Variants in ADGB observed in about 807,000 individuals in gnomAD.
ADGB encodes calpain-7-like protein.
Under a neutral mutation model 210.5 loss-of-function variants are expected in ADGB, and 172 were observed. That is an observed-to-expected ratio of 0.82 (90% CI 0.72 to 0.93). The LOEUF (loss-of-function observed/expected upper bound fraction) is 0.93. Ranked by LOEUF, ADGB falls within the 40% of genes least tolerant of loss-of-function variation. ADGB has a pLI of 0.00. For synonymous variants in ADGB, 658 were observed against 662.7 expected, an observed-to-expected ratio of 0.99 and a Z score of 0.11; for missense variants, 2,025 against 1,964.8, an observed-to-expected ratio of 1.03 and a Z score of -0.58.
intron 33 of ADGB, among the ~76,000 whole-genome samples, chr6:146,789,214 C>T (rs1235884260): frequency 6.6e-6 from 1 of 152,138 alleles, no homozygotes; most frequent in African/African-American, 2.4e-5. Flanking sequence ...CCTATTAATG[C>T]ATTTGGAGAG....
At position 146,726,019 on chromosome 6, in the gene ADGB, C is replaced by T. The variant is rs143279294; in HGVS notation, c.2238-64C>T. On this transcript the variant is annotated intron_variant, in intron 18 of 35. Coordinates refer to ENST00000397944, the MANE Select transcript of ADGB (RefSeq NM_024694.4). Reference sequence around the variant, plus strand: ...TGAGTTCCAAAGTGTGAATAAGCAACTCACAGGTCAAATGCCACCACCCAG... The same window carrying T: ...TGAGTTCCAAAGTGTGAATAAGCAATTCACAGGTCAAATGCCACCACCCAG... The T allele has an allele frequency of 1.3e-4, 135 of 1,017,854 alleles. No individual in the cohort carries two copies. The African/African-American group carries it at 1.8e-3, about 14-fold the overall frequency. 63.1% of individuals were successfully genotyped at this position (1,017,854 alleles called of 1,614,324 possible). A position where few individuals can be genotyped will look rare whatever the true frequency, so the allele number is the denominator to read the frequency against.
chr6:146,748,547 A>G lies in ADGB; in HGVS notation c.3365+2438A>G, dbSNP rs756317408. ...AGAAGCATCACGTCTATCTCTGCCA[A>G]CATCTTCACGTGGTATCTTCCCCTG... On this transcript the variant is annotated intron_variant, in intron 26 of 35. Coordinates refer to ENST00000397944, the MANE Select transcript of ADGB (RefSeq NM_024694.4). Among the ~76,000 whole-genome samples the G allele has an allele frequency of 2.6e-5, 4 of 152,234 alleles. No homozygotes were observed. In the East Asian group the frequency reaches 5.8e-4, roughly 22 times the overall value.
rs558636331 is a variant in ADGB at position 146,611,740 on chromosome 6, C to G, written c.74+12626C>G. Among the ~76,000 whole-genome samples the G allele has an allele frequency of 5.3e-5, 8 of 152,240 alleles. No individual in the cohort carries two copies. In the East Asian group the frequency reaches 1.5e-3, roughly 29 times the overall value. On this transcript the variant is annotated intron_variant, in intron 1 of 35. Coordinates refer to ENST00000397944, the MANE Select transcript of ADGB (RefSeq NM_024694.4). ...ATGCCTGTCTTCTTGATGGCCTGGT[C>G]TCTTGGGCAAACCTTTTCCTGATGC... is the stretch of plus-strand genomic sequence containing the variant.
chr6:146,799,162 C>A (rs1778087527), intron 33 of ADGB, among the ~76,000 whole-genome samples: 1 of 148,830 alleles, frequency 6.7e-6, no homozygotes, highest in African/African-American at 2.5e-5. Context: ...TACAAAAAAA[C>A]CTATGGCCTA....
intron 29 of ADGB, among the ~76,000 whole-genome samples, chr6:146,778,070 G>A (rs556040427): frequency 6.6e-6 from 1 of 152,290 alleles, no homozygotes; most frequent in South Asian, 2.1e-4. Context: ...TGAAAATAAC[G>A]AGTTATTCTA....
chr6:146,672,052 C>T (rs551565763), intron 7 of ADGB, among the ~76,000 whole-genome samples, 168 bp from the exon 8 acceptor site: 1 of 152,026 alleles, frequency 6.6e-6, no homozygotes, highest in South Asian at 2.1e-4. Context: ...GCAATGAAAG[C>T]TTGTTGAATG....
At chr6:146,763,841 G>T in intron 27 of ADGB, 60 bp from the exon 28 acceptor site, 2 of 1,362,074 alleles carry the variant, frequency 1.5e-6, no homozygotes, top group Non-Finnish European at 2.0e-6. Flanking sequence ...AACTGATTTA[G>T]TCAGTAATAA....
chr6:146,718,808 A>C (rs917051907), intron 16 of ADGB, among the ~76,000 whole-genome samples: 1 of 152,228 alleles, frequency 6.6e-6, no homozygotes, highest in Non-Finnish European at 1.5e-5. Flanking sequence ...CCTTTTGAGC[A>C]GACCTCAAGA....
At position 146,733,905 on chromosome 6, in the gene ADGB, A is replaced by G; in HGVS notation, c.2669A>G (p.Asp890Gly). The change falls in exon 22 of 36, where the codon GAC (aspartate) becomes GGC (glycine). Residue 890 changes from aspartate to glycine, a missense_variant. Transcript: ENST00000397944. ...LEEVSLVEWLDVKYCMPTSDK... is the reference protein window; with the variant it reads ...LEEVSLVEWLGVKYCMPTSDK... Reference sequence around the variant, plus strand: ...TTTCCCTTTCCAGTGGAATGGCTGGACGTTAAATATTGTATGCCCACAAGT... The same window carrying G: ...TTTCCCTTTCCAGTGGAATGGCTGGGCGTTAAATATTGTATGCCCACAAGT... 2 of 1,551,562 alleles carry G rather than the reference A, an allele frequency of 1.3e-6. No individual in the cohort carries two copies. The highest frequency in any genetic ancestry group is 1.7e-6 in the Non-Finnish European group (2 of 1,146,918).
At chr6:146,736,688 T>C (rs954895991) in intron 23 of ADGB, 97 bp downstream of exon 23, 3 of 678,734 alleles carry the variant, frequency 4.4e-6, no homozygotes, top group African/African-American at 3.6e-5. Flanking sequence ...CCCCAGTCAC[T>C]GCAGCTAGAA....
In ADGB at chr6:146,732,592, C is replaced by A. The variant is rs56346640; in HGVS notation, c.2521-528C>A. Among the ~76,000 whole-genome samples, 1,102 of 143,334 alleles carry A rather than the reference C, an allele frequency of 7.7e-3. 15 individuals carry two copies. Among genetic ancestry groups the A allele is most frequent in the African/African-American group, 0.028 (1,061 of 37,760 alleles). The allele number at this position is 143,334 out of a possible 152,430, so 94.0% of individuals were successfully genotyped here. A position where few individuals can be genotyped will look rare whatever the true frequency, so the allele number is the denominator to read the frequency against. On this transcript the variant is annotated intron_variant, in intron 20 of 35. Coordinates refer to ENST00000397944, the MANE Select transcript of ADGB (RefSeq NM_024694.4). ...AGCTATTTTGGTAAAAAAAAAAAAT[C>A]TCCATTTTATACTTAGATAATTACA...
chr6:146,707,775 T>C (rs1489009094), intron 13 of ADGB, among the ~76,000 whole-genome samples: 2 of 152,096 alleles, frequency 1.3e-5, no homozygotes, highest in African/African-American at 2.4e-5. Context: ...GAGTCTTTGT[T>C]TTTTAAATAC....
intron 27 of ADGB, among the ~76,000 whole-genome samples, chr6:146,758,553 T>A (rs1462985702): frequency 6.6e-6 from 1 of 152,062 alleles, no homozygotes; most frequent in Non-Finnish European, 1.5e-5. Flanking sequence ...ATAGGTTTAC[T>A]TCTGGCCAAG....
intron 25 of ADGB, 27 bp downstream of exon 25, chr6:146,741,298 A>G: frequency 6.5e-7 from 1 of 1,547,564 alleles, no homozygotes; most frequent in Non-Finnish European, 8.7e-7. Flanking sequence ...TTCTCCACAT[A>G]TGATAGAATG....
chr6:146,628,661 T>C (rs971180167), intron 1 of ADGB, among the ~76,000 whole-genome samples: 1 of 152,026 alleles, frequency 6.6e-6, no homozygotes, highest in Non-Finnish European at 1.5e-5. Flanking sequence ...CTGTCTCGTA[T>C]GCTGTTCTTT....
intron 20 of ADGB, among the ~76,000 whole-genome samples, chr6:146,729,835 T>A (rs1776953727): frequency 6.6e-6 from 1 of 152,258 alleles, no homozygotes; most frequent in African/African-American, 2.4e-5. Context: ...TGTTGGCATA[T>A]CATTTTACAT....
chr6:146,800,620 G>A (rs111258253), intron 33 of ADGB, among the ~76,000 whole-genome samples: 101 of 152,136 alleles, frequency 6.6e-4, no homozygotes, highest in African/African-American at 2.4e-3. Flanking sequence ...TTGTGGGCTC[G>A]ATACTGTTCT....
intron 33 of ADGB, among the ~76,000 whole-genome samples, chr6:146,799,418 C>T (rs201014443): frequency 2.6e-5 from 4 of 151,828 alleles, no homozygotes; most frequent in South Asian, 2.1e-4. Context: ...CCTGTAATCC[C>T]AGCTACTTGG....
intron 5 of ADGB, among the ~76,000 whole-genome samples, chr6:146,660,002 T>C (rs1301156172): frequency 1.3e-5 from 2 of 152,220 alleles, no homozygotes; most frequent in East Asian, 3.8e-4. Flanking sequence ...GCTTTATTTC[T>C]GATTGAGCCT....
Sources: allele counts gnomAD v4.1 joint callset (sites outside exome capture counted in the v4.1 genomes callset), GRCh38; gene constraint gnomAD v4.1.1; transcripts MANE v1.5; gene names NCBI Gene and HGNC (gene_info 2026-07-23, HGNC 2026-07-21).